SMARCC1: variants seen among roughly 807,000 people sequenced by gnomAD.
SMARCC1 encodes the protein SWI/SNF complex subunit SMARCC1.
A neutral mutation model predicts 147.4 loss-of-function variants in SMARCC1; 43 were observed. The observed-to-expected ratio is 0.29, with a 90% CI of 0.23 to 0.38. The LOEUF (loss-of-function observed/expected upper bound fraction) is 0.38. Ranked by LOEUF, SMARCC1 falls within the 10% of genes least tolerant of loss-of-function variation. The pLI is 1.00. For synonymous variants in SMARCC1, 495 were observed against 484.4 expected, an observed-to-expected ratio of 1.02 and a Z score of -0.29; for missense variants, 1,119 against 1,381.1, an observed-to-expected ratio of 0.81 and a Z score of 3.01.
chr3:47,597,300 G>A (rs1048493507), intron 26 of SMARCC1, among the ~76,000 whole-genome samples: 1 of 152,088 alleles, frequency 6.6e-6, no homozygotes, highest in Non-Finnish European at 1.5e-5. Context: ...AGGATTACAG[G>A]TGTGCACCAC....
In SMARCC1 at chr3:47,668,594, G is replaced by A. The variant is rs1232079006; in HGVS notation, c.1899+2064C>T. ...TTTGATAAAAGACTTTATGAAACAA[G>A]GTCTTTTAAAAATCAAAGGGGTGTG... On this transcript the variant is annotated intron_variant, in intron 19 of 27. Coordinates refer to ENST00000254480, the MANE Select transcript of SMARCC1 (RefSeq NM_003074.4). 2.0e-5 allele frequency among the ~76,000 whole-genome samples: 3 copies of A among 152,042 alleles called. No homozygotes were observed. The South Asian group carries it at 6.2e-4, about 32-fold the overall frequency.
chr3:47,710,817 A>T lies in SMARCC1; in HGVS notation c.793-9T>A. 6.3e-7 allele frequency: 1 copy of T among 1,596,410 alleles called. No individual in the cohort carries two copies. Among genetic ancestry groups the T allele is most frequent in the Non-Finnish European group, 8.5e-7 (1 of 1,172,466 alleles). ...ATCCATTTCACATGAACCTAAAACC[A>T]TATCAAAGCATCAATATCTACATAA... On this transcript the variant is annotated splice_polypyrimidine_tract_variant and intron_variant, in intron 8 of 27. Transcript: ENST00000254480.
chr3:47,599,070 A>T (rs2032345330), intron 26 of SMARCC1, among the ~76,000 whole-genome samples: 1 of 152,048 alleles, frequency 6.6e-6, no homozygotes, highest in South Asian at 2.1e-4. Flanking sequence ...CCAGAGAGTA[A>T]GAATACATTT....
chr3:47,668,529 A>G (rs9881599), intron 19 of SMARCC1, among the ~76,000 whole-genome samples: 139,060 of 152,184 alleles, frequency 0.91, 64,829 homozygotes, highest in East Asian at 1. Context: ...AAATGAACAT[A>G]ACCAGATATT....
intron 18 of SMARCC1, among the ~76,000 whole-genome samples, chr3:47,672,246 G>A (rs547147174): frequency 4.0e-5 from 6 of 151,220 alleles, no homozygotes; most frequent in African/African-American, 1.2e-4. Context: ...ATGGAGTCTC[G>A]CTCTGTTGCC....
chr3:47,741,130 C>T (rs1165993954), intron 3 of SMARCC1, among the ~76,000 whole-genome samples: 1 of 151,862 alleles, frequency 6.6e-6, no homozygotes, highest in African/African-American at 2.4e-5. Context: ...AAACTGGAGG[C>T]ATATAAGCAA....
At chr3:47,622,387 A>T (rs769932085) in intron 24 of SMARCC1, 46 bp from the exon 25 acceptor site, 9 of 1,578,878 alleles carry the variant, frequency 5.7e-6, no homozygotes, top group Non-Finnish European at 7.8e-6. Context: ...ACATTTGCTT[A>T]AAGAACATTA....
chr3:47,590,494 G>A (rs1181073141), intron 27 of SMARCC1, among the ~76,000 whole-genome samples, 167 bp downstream of exon 27: 1 of 152,096 alleles, frequency 6.6e-6, no homozygotes, highest in Non-Finnish European at 1.5e-5. Flanking sequence ...GTCCATCAGG[G>A]GTGCTGAAGA....
intron 7 of SMARCC1, among the ~76,000 whole-genome samples, chr3:47,715,942 C>T (rs1052674929): frequency 6.6e-6 from 1 of 152,050 alleles, no homozygotes; most frequent in African/African-American, 2.4e-5. Flanking sequence ...AACAAGAACT[C>T]ACTGACATAA....
At chr3:47,680,095 C>A in intron 15 of SMARCC1, 1 of 211,538 alleles carries the variant, frequency 4.7e-6, no homozygotes, top group Non-Finnish European at 9.3e-6. Context: ...GTGACATGTG[C>A]CTGTAGTCCC....
intron 15 of SMARCC1, 78 bp downstream of exon 15, chr3:47,680,359 A>G: frequency 4.3e-6 from 4 of 930,512 alleles, no homozygotes; most frequent in Non-Finnish European, 5.2e-6. Context: ...AATCAGCAAT[A>G]AGGAACTCAG....
intron 26 of SMARCC1, among the ~76,000 whole-genome samples, chr3:47,607,929 C>T (rs2106665445): frequency 6.6e-6 from 1 of 152,066 alleles, no homozygotes; most frequent in East Asian, 1.9e-4. Flanking sequence ...CTGAAACACA[C>T]AAAATATTAA....
At chr3:47,661,241 A>G (rs760108446) in intron 21 of SMARCC1, 53 bp downstream of exon 21, 190 of 1,460,978 alleles carry the variant, frequency 1.3e-4, no homozygotes, top group Non-Finnish European at 1.7e-4. Flanking sequence ...GAGTAAACTG[A>G]CAGGAATACA....
intron 25 of SMARCC1, among the ~76,000 whole-genome samples, chr3:47,611,533 T>G (rs2032564844): frequency 6.6e-6 from 1 of 152,210 alleles, no homozygotes; most frequent in African/African-American, 2.4e-5. Context: ...AAAATTTTAG[T>G]TATATATATG....
At chr3:47,683,630 A>C (rs1178686065) in intron 14 of SMARCC1, among the ~76,000 whole-genome samples, 1 of 151,738 alleles carries the variant, frequency 6.6e-6, no homozygotes, top group African/African-American at 2.4e-5. Context: ...AGGTGGGTGG[A>C]TCACCTGAGG....
At chr3:47,693,591 T>G (rs1322099115) in intron 11 of SMARCC1, among the ~76,000 whole-genome samples, 1 of 152,220 alleles carries the variant, frequency 6.6e-6, no homozygotes, top group African/African-American at 2.4e-5. Flanking sequence ...TTATTAAAGT[T>G]TATGATGCAT....
rs543056754 is a variant in SMARCC1 at position 47,663,596 on chromosome 3, C to T, written c.1900-1004G>A. ...CCCTGTCTTAGGTCGCGATTTTCTC[C>T]TGCTGCTGTGGCCCAGACATGGCGA... On this transcript the variant is annotated intron_variant, in intron 19 of 27. Coordinates refer to ENST00000254480, the MANE Select transcript of SMARCC1 (RefSeq NM_003074.4). 1.1e-5 allele frequency: 16 copies of T among 1,469,680 alleles called. No individual in the cohort carries two copies. In the East Asian group the frequency reaches 3.4e-4, roughly 31 times the overall value. The allele number at this position is 1,469,680 out of a possible 1,614,324, so 91.0% of individuals were successfully genotyped here.
At chr3:47,617,574 A>G (rs1559626633) in intron 25 of SMARCC1, among the ~76,000 whole-genome samples, 1 of 152,266 alleles carries the variant, frequency 6.6e-6, no homozygotes, top group Non-Finnish European at 1.5e-5. Context: ...CATATGCCAT[A>G]CTTCTCTCAA....
At chr3:47,772,748 G>C in intron 2 of SMARCC1, 69 bp downstream of exon 2, 2 of 1,362,306 alleles carry the variant, frequency 1.5e-6, no homozygotes, top group Non-Finnish European at 2.0e-6. Context: ...AAGGAAAAAA[G>C]CTGGATGCTA....
Sources: allele counts gnomAD v4.1 joint callset (sites outside exome capture counted in the v4.1 genomes callset), GRCh38; gene constraint gnomAD v4.1.1; transcripts MANE v1.5; gene names NCBI Gene and HGNC (gene_info 2026-07-23, HGNC 2026-07-21).